The following PLD5 variants were observed in gnomAD, a reference collection of about 807,000 sequenced individuals.
PLD5 encodes phospholipase D family member 5.
In PLD5, 36 loss-of-function variants were observed where a neutral mutation model predicts 61.1. The observed-to-expected ratio is 0.59, with a 90% CI of 0.45 to 0.78. PLD5 has a LOEUF of 0.78. Ranked by LOEUF, PLD5 falls within the 30% of genes least tolerant of loss-of-function variation. PLD5 has a pLI of 0.00. For missense variants in PLD5, 515 were observed against 644.4 expected (o/e 0.80, Z 2.17); for synonymous variants, 243 against 242.8 (o/e 1.00, Z -0.01).
chr1:242,419,649 A>G (rs1665033150), intron 1 of PLD5, among the ~76,000 whole-genome samples: 1 of 138,354 alleles, frequency 7.2e-6, no homozygotes, highest in Non-Finnish European at 1.5e-5. Context: ...TCCTGATCTC[A>G]TGATCTGCCC....
chr1:242,105,065 G>T (rs1344335742), intron 8 of PLD5, among the ~76,000 whole-genome samples: 2 of 152,166 alleles, frequency 1.3e-5, no homozygotes, highest in African/African-American at 4.8e-5. Flanking sequence ...GGTATTGTAG[G>T]GTGGAGAGAT....
intron 1 of PLD5, among the ~76,000 whole-genome samples, chr1:242,399,107 C>G (rs1000167601): frequency 1.3e-5 from 2 of 152,180 alleles, no homozygotes; most frequent in African/African-American, 4.8e-5. Flanking sequence ...TCTCACGTAG[C>G]TAACCCTTCG....
Position 242,087,003 on chromosome 1 carries a change from G to A in PLD5, c.*2851C>T, listed in dbSNP as rs556298995. 6.6e-6 allele frequency: 1 copy of A among 152,082 alleles called. No individual in the cohort carries two copies. The highest frequency in any genetic ancestry group is 2.4e-5 in the African/African-American group (1 of 41,406). The allele number at this position is 152,082 out of a possible 1,614,324, so 9.4% of individuals were successfully genotyped here. On this transcript the variant is annotated 3_prime_UTR_variant, in exon 10 of 10. Coordinates refer to ENST00000536534, the MANE Select transcript of PLD5 (RefSeq NM_001372062.1). ...TATTTAGGGGTGGGGGGGAATGGAG[G>A]TTGATAGTTTGTTTAGCACAGAAAC...
intron 2 of PLD5, among the ~76,000 whole-genome samples, chr1:242,317,899 G>T (rs1171899781): frequency 6.6e-6 from 1 of 152,116 alleles, no homozygotes; most frequent in Non-Finnish European, 1.5e-5. Context: ...TTCAATGGGG[G>T]ATCAGTGACA....
At chr1:242,180,270 A>G (rs316869) in intron 5 of PLD5, among the ~76,000 whole-genome samples, 19,653 of 152,168 alleles carry the variant, frequency 0.13, 1,905 homozygotes, top group East Asian at 0.49. Context: ...TAAAATATCA[A>G]TATAGGGCTG....
At chr1:242,357,713 C>T (rs1163194343) in intron 1 of PLD5, among the ~76,000 whole-genome samples, 2 of 152,080 alleles carry the variant, frequency 1.3e-5, no homozygotes, top group Non-Finnish European at 2.9e-5. Flanking sequence ...TCTCAAACTC[C>T]TAACCTCAGG....
At chr1:242,286,725 G>C (rs1239946611) in intron 3 of PLD5, among the ~76,000 whole-genome samples, 2 of 152,118 alleles carry the variant, frequency 1.3e-5, no homozygotes, top group Admixed American at 6.6e-5. Flanking sequence ...AGATCCACAT[G>C]TACGAGTAAA....
At chr1:242,155,986 A>T (rs1665333938) in intron 5 of PLD5, among the ~76,000 whole-genome samples, 1 of 152,140 alleles carries the variant, frequency 6.6e-6, no homozygotes, top group South Asian at 2.1e-4. Flanking sequence ...TGGGAGTCTA[A>T]GTCTCTTTGT....
At chr1:242,503,369 T>C (rs527887083) in intron 1 of PLD5, among the ~76,000 whole-genome samples, 23 of 152,306 alleles carry the variant, frequency 1.5e-4, no homozygotes, top group Non-Finnish European at 2.6e-4. Context: ...CCTTCCACCA[T>C]GAGTAAAAGC....
chr1:242,301,793 A>ATTATTATTATTATT (rs57854017), intron 2 of PLD5, among the ~76,000 whole-genome samples: 1 of 148,522 alleles, frequency 6.7e-6, no homozygotes, highest in Non-Finnish European at 1.5e-5. Flanking sequence ...TATTATTATT[A>ATTATTATTATTATT]GAGACAGAAT....
chr1:242,155,401 T>C (rs1024151215), intron 5 of PLD5, among the ~76,000 whole-genome samples: 1 of 152,088 alleles, frequency 6.6e-6, no homozygotes, highest in African/African-American at 2.4e-5. Context: ...GCTTTTGAAT[T>C]TGTTTGCTCT....
Position 242,459,547 on chromosome 1 carries a change from T to C in PLD5, c.189+64541A>G, listed in dbSNP as rs569274093. Among the ~76,000 whole-genome samples the C allele has an allele frequency of 4.1e-4, 62 of 152,332 alleles. No individual in the cohort carries two copies. The Middle Eastern group carries it at 0.017, about 42-fold the overall frequency. On this transcript the variant is annotated intron_variant, in intron 1 of 9. Transcript: ENST00000536534. The stretch of plus-strand genomic sequence containing the variant: ...GCCAAGCTATGATTGCTATGGTTCA[T>C]TTAAATCAGAGAAAAGGGGGAGACG...
chr1:242,469,522 T>C (rs895121242), intron 1 of PLD5, among the ~76,000 whole-genome samples: 1 of 152,180 alleles, frequency 6.6e-6, no homozygotes, highest in African/African-American at 2.4e-5. Context: ...TTGTAAAAGC[T>C]TTGTTTTCGA....
At chr1:242,161,036 A>G (rs1258517380) in intron 5 of PLD5, among the ~76,000 whole-genome samples, 1 of 151,986 alleles carries the variant, frequency 6.6e-6, no homozygotes, top group African/African-American at 2.4e-5. Context: ...AGTATTTTTA[A>G]GTTGGTACAA....
rs1659330482 is a variant in PLD5 at position 242,083,195 on chromosome 1, CTG to C, written c.*6657_*6658del. 6.6e-6 allele frequency: 1 copy of C among 152,196 alleles called. No homozygotes were observed. The highest frequency in any genetic ancestry group is 2.1e-4 in the South Asian group (1 of 4,834). The allele number at this position is 152,196 out of a possible 1,614,324, so 9.4% of individuals were successfully genotyped here. A position where few individuals can be genotyped will look rare whatever the true frequency, so the allele number is the denominator to read the frequency against. ...GTTCTCAGAGTCACCATTACGGTGA[CTG>C]TGTCTATTCTGGCTGTGCTTCCTAT... On this transcript the variant is annotated 3_prime_UTR_variant, in exon 10 of 10. Coordinates refer to ENST00000536534, the MANE Select transcript of PLD5 (RefSeq NM_001372062.1).
chr1:242,372,576 C>T (rs957817817), intron 1 of PLD5, among the ~76,000 whole-genome samples: 4 of 152,110 alleles, frequency 2.6e-5, no homozygotes, highest in Admixed American at 6.6e-5. Context: ...AACAGCATGG[C>T]ACTGGTACCA....
chr1:242,488,120 G>A (rs1668025409), intron 1 of PLD5, among the ~76,000 whole-genome samples: 1 of 152,086 alleles, frequency 6.6e-6, no homozygotes, highest in Admixed American at 6.5e-5. Flanking sequence ...ATTGCTAGTG[G>A]GAATGCAAAA....
At position 242,282,637 on chromosome 1, in the gene PLD5, T is replaced by C. The variant is rs1012260911; in HGVS notation, c.495+5725A>G. 9.2e-5 allele frequency among the ~76,000 whole-genome samples: 14 copies of C among 152,184 alleles called. 1 individual carries two copies. The highest frequency in any genetic ancestry group is 6.5e-4 in the Admixed American group (10 of 15,268). On this transcript the variant is annotated intron_variant, in intron 3 of 9. Transcript: ENST00000536534. ...TTGTTGCAGCTCATTAATTATTTTA[T>C]AGGTTCCTCACAGTGAATTCATAGA...
chr1:242,372,244 T>C (rs557340414), intron 1 of PLD5, among the ~76,000 whole-genome samples: 23 of 152,278 alleles, frequency 1.5e-4, no homozygotes, highest in Admixed American at 1.3e-3. Context: ...GCCATGCCCA[T>C]AGCACAGCTA....
Sources: allele counts gnomAD v4.1 joint callset (sites outside exome capture counted in the v4.1 genomes callset), GRCh38; gene constraint gnomAD v4.1.1; transcripts MANE v1.5; gene names NCBI Gene and HGNC (gene_info 2026-07-23, HGNC 2026-07-21).